The following PDSS2 variants were observed in gnomAD, a reference collection of about 807,000 sequenced individuals.
PDSS2 encodes decaprenyl diphosphate synthase subunit 2, also known as all trans-polyprenyl-diphosphate synthase PDSS2.
In PDSS2, 31 loss-of-function variants were observed where a neutral mutation model predicts 44.5. The observed-to-expected ratio is 0.70, with a 90% CI of 0.52 to 0.94. The LOEUF (loss-of-function observed/expected upper bound fraction) is 0.94. PDSS2 is among the 40% of genes least tolerant of loss of function. The pLI is 0.00. For synonymous variants in PDSS2, 157 were observed against 180.3 expected (o/e 0.87, Z 1.03); for missense variants, 452 against 482.2 (o/e 0.94, Z 0.59).
At chr6:107,362,258 G>A (rs1446723608) in intron 1 of PDSS2, among the ~76,000 whole-genome samples, 1 of 152,070 alleles carries the variant, frequency 6.6e-6, no homozygotes, top group Non-Finnish European at 1.5e-5. Flanking sequence ...GACATGAGAG[G>A]TCCCAAAAGG....
At chr6:107,272,932 A>T (rs1161912075) in intron 3 of PDSS2, among the ~76,000 whole-genome samples, 1 of 151,714 alleles carries the variant, frequency 6.6e-6, no homozygotes, top group African/African-American at 2.4e-5. Flanking sequence ...CACTTTATTT[A>T]TTTTTTTTAT....
chr6:107,162,351 G>C (rs1167073125), intron 7 of PDSS2, among the ~76,000 whole-genome samples: 2 of 151,618 alleles, frequency 1.3e-5, no homozygotes, highest in Non-Finnish European at 2.9e-5. Flanking sequence ...AAATTAGCCC[G>C]GTATGGTGGC....
At chr6:107,208,171 A>G (rs956227934) in intron 6 of PDSS2, among the ~76,000 whole-genome samples, 2 of 147,146 alleles carry the variant, frequency 1.4e-5, no homozygotes, top group African/African-American at 5.0e-5. Flanking sequence ...TATTTAGTAG[A>G]GACGGGGTTT....
intron 1 of PDSS2, among the ~76,000 whole-genome samples, chr6:107,337,699 C>T (rs1777949197): frequency 6.6e-6 from 1 of 152,066 alleles, no homozygotes; most frequent in South Asian, 2.1e-4. Context: ...CATTTTCTTT[C>T]TTCTACTCTC....
chr6:107,314,087 T>C (rs1309348570), intron 2 of PDSS2, among the ~76,000 whole-genome samples: 1 of 152,128 alleles, frequency 6.6e-6, no homozygotes, highest in Non-Finnish European at 1.5e-5. Flanking sequence ...CACTGTTCTC[T>C]AGCCTGGGTG....
intron 3 of PDSS2, among the ~76,000 whole-genome samples, chr6:107,273,744 G>A (rs1330465434): frequency 1.3e-5 from 2 of 151,986 alleles, no homozygotes; most frequent in African/African-American, 4.8e-5. Context: ...TGGGATTATA[G>A]GTAATATTTA....
chr6:107,277,345 G>A (rs1471477331), intron 2 of PDSS2, among the ~76,000 whole-genome samples: 1 of 152,198 alleles, frequency 6.6e-6, no homozygotes, highest in African/African-American at 2.4e-5. Flanking sequence ...TAGAAAACGT[G>A]ACCAAAGGTT....
At chr6:107,331,891 C>G (rs893257420) in intron 2 of PDSS2, among the ~76,000 whole-genome samples, 7 of 151,816 alleles carry the variant, frequency 4.6e-5, no homozygotes, top group Admixed American at 4.6e-4. Context: ...AATATACAAG[C>G]AGATGACTAA....
At chr6:107,188,378 CA>C (rs112224781) in intron 7 of PDSS2, among the ~76,000 whole-genome samples, 20,755 of 128,410 alleles carry the variant, frequency 0.16, 1,712 homozygotes, top group Middle Eastern at 0.22. Flanking sequence ...GACCCTGTCT[CA>C]AAAAAAAAAA....
chr6:107,399,962 C>T (rs1278090109), intron 1 of PDSS2, among the ~76,000 whole-genome samples: 1 of 152,088 alleles, frequency 6.6e-6, no homozygotes, highest in African/African-American at 2.4e-5. Flanking sequence ...AGGAGCTTAA[C>T]ACAAAAGTGA....
At chr6:107,327,904 C>T (rs1330961335) in intron 2 of PDSS2, among the ~76,000 whole-genome samples, 1 of 152,224 alleles carries the variant, frequency 6.6e-6, no homozygotes, top group African/African-American at 2.4e-5. Context: ...AATAAACTGC[C>T]ATCCCTTTAA....
chr6:107,217,366 G>A (rs1257417266), intron 4 of PDSS2, among the ~76,000 whole-genome samples: 1 of 152,068 alleles, frequency 6.6e-6, no homozygotes, highest in Non-Finnish European at 1.5e-5. Flanking sequence ...TTATAAGAGG[G>A]AGGCACAGTC....
chr6:107,451,609 C>G (rs1048736525), intron 1 of PDSS2, among the ~76,000 whole-genome samples: 3 of 152,090 alleles, frequency 2.0e-5, no homozygotes, highest in African/African-American at 7.2e-5. Context: ...AGAGCATATT[C>G]TATATGGGTC....
At chr6:107,307,932 G>C (rs1015515240) in intron 2 of PDSS2, among the ~76,000 whole-genome samples, 3 of 152,142 alleles carry the variant, frequency 2.0e-5, no homozygotes, top group Non-Finnish European at 4.4e-5. Flanking sequence ...AAGCTTTGAA[G>C]ATAGTAAGGC....
At chr6:107,280,395 A>G (rs139381894) in intron 2 of PDSS2, among the ~76,000 whole-genome samples, 96 of 152,350 alleles carry the variant, frequency 6.3e-4, no homozygotes, top group Non-Finnish European at 7.3e-4. Context: ...AACAGTCACA[A>G]ATAAATACAA....
chr6:107,250,298 T>C (rs191018341), intron 3 of PDSS2, among the ~76,000 whole-genome samples: 105 of 151,248 alleles, frequency 6.9e-4, no homozygotes, highest in African/African-American at 2.5e-3. Flanking sequence ...AAAACAAAAA[T>C]GAGGTCAATC....
chr6:107,319,176 TG>T (rs1160319708), intron 2 of PDSS2, among the ~76,000 whole-genome samples: 1 of 152,174 alleles, frequency 6.6e-6, no homozygotes, highest in Admixed American at 6.5e-5. Flanking sequence ...AAATTAAACA[TG>T]TTTTTTGAAT....
chr6:107,169,252 T>C (rs1307478861), intron 7 of PDSS2, among the ~76,000 whole-genome samples: 2 of 152,184 alleles, frequency 1.3e-5, no homozygotes, highest in African/African-American at 4.8e-5. Context: ...TGATACCCTT[T>C]CTTCCACTTG....
At chr6:107,239,932 G>A (rs763292201) in intron 4 of PDSS2, among the ~76,000 whole-genome samples, 14 of 152,086 alleles carry the variant, frequency 9.2e-5, no homozygotes, top group African/African-American at 2.7e-4. Flanking sequence ...GTGAGCCACC[G>A]TGCCTGGCCT....
Sources: allele counts gnomAD v4.1 joint callset (sites outside exome capture counted in the v4.1 genomes callset), GRCh38; gene constraint gnomAD v4.1.1; transcripts MANE v1.5; gene names NCBI Gene and HGNC (gene_info 2026-07-23, HGNC 2026-07-21).